The following TRAM1 variants were observed in gnomAD, a reference collection of about 807,000 sequenced individuals.
TRAM1 encodes translocation associated membrane protein 1, also known as translocating chain-associated membrane protein 1.
TRAM1 carries 17 observed loss-of-function variants against 48.7 expected under a neutral mutation model. The observed-to-expected ratio is 0.35, with a 90% CI of 0.24 to 0.52. The LOEUF (loss-of-function observed/expected upper bound fraction) is 0.52. TRAM1 is among the 20% of genes least tolerant of loss of function. TRAM1 has a pLI of 0.94. For missense variants in TRAM1, 351 were observed against 441.5 expected (o/e 0.79, Z 1.84); for synonymous variants, 182 against 154.0 (o/e 1.18, Z -1.34).
chr8:70,586,190 G>A (rs1018619544), intron 8 of TRAM1, among the ~76,000 whole-genome samples: 17 of 146,944 alleles, frequency 1.2e-4, no homozygotes, highest in Non-Finnish European at 2.2e-4. Context: ...ACCAAACACT[G>A]CATGTTCTCA....
Position 70,583,354 on chromosome 8 carries a change from T to G in TRAM1, c.891-30A>C, listed in dbSNP as rs1817125161. The G allele has an allele frequency of 2.5e-6, 4 of 1,601,134 alleles. No homozygotes were observed. In the Admixed American group the frequency reaches 6.8e-5, roughly 27 times the overall value. On this transcript the variant is annotated intron_variant, in intron 9 of 10. Transcript: ENST00000262213. ...GAAATATTAAGACATAAAAAGTTAG[T>G]GTATAAAAAACAATGCCACTGAATA...
intron 5 of TRAM1, 83 bp downstream of exon 5, chr8:70,596,180 A>G: frequency 1.7e-6 from 2 of 1,179,964 alleles, no homozygotes; most frequent in Non-Finnish European, 2.3e-6. Context: ...TAAGGTCCTA[A>G]AGAGAATAAC....
intron 7 of TRAM1, 38 bp downstream of exon 7, chr8:70,587,068 C>T: frequency 6.2e-7 from 1 of 1,612,554 alleles, no homozygotes; most frequent in Non-Finnish European, 8.5e-7. Flanking sequence ...TACTATCTGC[C>T]CAGCCTACTT....
At chr8:70,606,932 G>A (rs1447470153) in intron 1 of TRAM1, 1 of 983,546 alleles carries the variant, frequency 1.0e-6, no homozygotes, top group Non-Finnish European at 1.2e-6. Flanking sequence ...TCTTAACGTC[G>A]CTCATCTTTT....
chr8:70,592,408 G>GTT (rs1388025312), intron 6 of TRAM1, among the ~76,000 whole-genome samples: 1 of 152,170 alleles, frequency 6.6e-6, no homozygotes, highest in Non-Finnish European at 1.5e-5. Context: ...TTAAGAAACT[G>GTT]TTTAACACAT....
intron 2 of TRAM1, among the ~76,000 whole-genome samples, chr8:70,599,388 C>T (rs1250352531): frequency 6.6e-6 from 1 of 151,890 alleles, no homozygotes; most frequent in Admixed American, 6.6e-5. Flanking sequence ...CAAAAAATAC[C>T]CCATCCCTCA....
intron 7 of TRAM1, 40 bp from the exon 8 acceptor site, chr8:70,587,039 C>T (rs982905814): frequency 6.2e-7 from 1 of 1,609,654 alleles, no homozygotes; most frequent in Non-Finnish European, 8.5e-7. Context: ...TATTAATTAT[C>T]AATTAAGACA....
intron 10 of TRAM1, among the ~76,000 whole-genome samples, chr8:70,582,474 T>C (rs1241652395): frequency 6.8e-6 from 1 of 146,014 alleles, no homozygotes; most frequent in Non-Finnish European, 1.5e-5. Flanking sequence ...TGTACTAAAA[T>C]GTATTAAGAA....
chr8:70,604,571 C>T (rs939324414), intron 1 of TRAM1, among the ~76,000 whole-genome samples: 1 of 151,856 alleles, frequency 6.6e-6, no homozygotes, highest in African/African-American at 2.4e-5. Context: ...TGGGGTTTCA[C>T]GCTTATATGT....
At chr8:70,577,082 C>G (rs1816971691) in intron 10 of TRAM1, among the ~76,000 whole-genome samples, 1 of 152,170 alleles carries the variant, frequency 6.6e-6, no homozygotes, top group African/African-American at 2.4e-5. Flanking sequence ...TGCTATAGCC[C>G]TTTTAGTCCC....
chr8:70,602,919 A>C (rs1235381740), intron 1 of TRAM1, among the ~76,000 whole-genome samples: 5 of 152,202 alleles, frequency 3.3e-5, no homozygotes, highest in African/African-American at 4.8e-5. Context: ...TATGAGTACT[A>C]GAATGAGGGA....
intron 6 of TRAM1, among the ~76,000 whole-genome samples, chr8:70,591,757 C>A (rs1383937048): frequency 6.6e-6 from 1 of 152,114 alleles, no homozygotes; most frequent in Admixed American, 6.5e-5. Flanking sequence ...CAAAGCTCTG[C>A]ATTATAGAGC....
At chr8:70,606,292 A>G (rs1817716278) in intron 1 of TRAM1, among the ~76,000 whole-genome samples, 1 of 152,094 alleles carries the variant, frequency 6.6e-6, no homozygotes, top group African/African-American at 2.4e-5. Context: ...TCCTGGGCTC[A>G]AGTAATTATC....
At chr8:70,583,599 A>T (rs1817131506) in intron 9 of TRAM1, 51 bp downstream of exon 9, 15 of 1,573,080 alleles carry the variant, frequency 9.5e-6, no homozygotes, top group Non-Finnish European at 1.3e-5. Context: ...GAAACTGATA[A>T]TATATATTAT....
At position 70,600,038 on chromosome 8, in the gene TRAM1, A is replaced by T. The variant is rs1223119794; in HGVS notation, c.168T>A (p.Asn56Lys). ...ACCTACCTGTTGCTGGGAGGGTGAC[A>T]TTGTACTGAAGAGTAACAAAAATGA... ...ASIIFVTLQY[N>K]VTLPATEEQA... Residue 56 changes from asparagine (N) to lysine (K), a missense_variant, in exon 2 of 11, where the codon AAT becomes AAA. Transcript: ENST00000262213. 1.9e-6 allele frequency: 3 copies of T among 1,613,898 alleles called. No individual in the cohort carries two copies. Among genetic ancestry groups the T allele is most frequent in the Non-Finnish European group, 2.5e-6 (3 of 1,179,850 alleles).
At chr8:70,598,338 C>A in intron 2 of TRAM1, 83 bp from the exon 3 acceptor site, 1 of 1,352,902 alleles carries the variant, frequency 7.4e-7, no homozygotes, top group African/African-American at 1.5e-5. Context: ...GTTATGGAAA[C>A]AAAGAAGAAT....
At chr8:70,591,301 T>C (rs1365940106) in intron 6 of TRAM1, among the ~76,000 whole-genome samples, 1 of 152,186 alleles carries the variant, frequency 6.6e-6, no homozygotes, top group Non-Finnish European at 1.5e-5. Context: ...ATAAATTTTA[T>C]CTAGAAAATG....
intron 1 of TRAM1, among the ~76,000 whole-genome samples, chr8:70,604,966 T>C (rs1390335481): frequency 6.6e-6 from 1 of 152,232 alleles, no homozygotes; most frequent in Non-Finnish European, 1.5e-5. Context: ...TTGAATTATG[T>C]GGACAGATAT....
intron 1 of TRAM1, among the ~76,000 whole-genome samples, chr8:70,601,948 T>C (rs1817614568): frequency 6.6e-6 from 1 of 151,876 alleles, no homozygotes; most frequent in Non-Finnish European, 1.5e-5. Context: ...AATACATAAA[T>C]CATATATGGA....
Sources: allele counts gnomAD v4.1 joint callset (sites outside exome capture counted in the v4.1 genomes callset), GRCh38; gene constraint gnomAD v4.1.1; transcripts MANE v1.5; gene names NCBI Gene and HGNC (gene_info 2026-07-23, HGNC 2026-07-21).